PLEKHA2: variants seen among roughly 807,000 people sequenced by gnomAD.
PLEKHA2 encodes pleckstrin homology domain-containing family A member 2.
Under a neutral mutation model 53.2 loss-of-function variants are expected in PLEKHA2, and 28 were observed. That is an observed-to-expected ratio of 0.53 (90% CI 0.39 to 0.72). The LOEUF is 0.72. Among genes scored for constraint, PLEKHA2 ranks in the 30% least tolerant of loss-of-function variants. The probability of loss-of-function intolerance (pLI) is 0.00; values close to 1 mark genes in which losing one functional copy is unlikely to be tolerated. For synonymous variants in PLEKHA2, 193 were observed against 196.4 expected, an observed-to-expected ratio of 0.98 and a Z score of 0.14; for missense variants, 426 against 537.9, an observed-to-expected ratio of 0.79 and a Z score of 2.06.
chr8:38,933,838 G>A (rs1357990212), intron 2 of PLEKHA2, among the ~76,000 whole-genome samples: 1 of 141,618 alleles, frequency 7.1e-6, no homozygotes, highest in Non-Finnish European at 1.5e-5. Flanking sequence ...AAAAAAATGT[G>A]TAAATAGAAG....
At chr8:38,946,846 A>G (rs542579578) in intron 5 of PLEKHA2, among the ~76,000 whole-genome samples, 14 of 152,336 alleles carry the variant, frequency 9.2e-5, no homozygotes, top group Admixed American at 9.1e-4. Flanking sequence ...GTTTTGGAAA[A>G]AACTAGACTT....
intron 1 of PLEKHA2, among the ~76,000 whole-genome samples, chr8:38,912,908 T>G (rs974017022): frequency 7.2e-5 from 11 of 152,234 alleles, no homozygotes; most frequent in Non-Finnish European, 1.5e-4. Flanking sequence ...TCTGAGCAGC[T>G]GTTTTTTTCT....
At chr8:38,926,746 A>G (rs1324095795) in intron 2 of PLEKHA2, among the ~76,000 whole-genome samples, 2 of 152,232 alleles carry the variant, frequency 1.3e-5, no homozygotes, top group Non-Finnish European at 2.9e-5. Context: ...CCTGGCCAAC[A>G]TGGCGAAACC....
Position 38,969,635 on chromosome 8 carries a change from C to G in PLEKHA2, c.1130C>G (p.Ser377Cys), listed in dbSNP as rs767839253. The G allele has an allele frequency of 2.9e-5, 47 of 1,603,036 alleles. No homozygotes were observed. Among genetic ancestry groups the G allele is most frequent in the African/African-American group, 5.4e-5 (4 of 74,612 alleles). The change falls in exon 12 of 12, where the codon TCC becomes TGC. Residue 377 changes from serine (S) to cysteine (C), a missense_variant. Ser to Cys is a moderately radical substitution (Grantham distance 112, BLOSUM62 -1). Coordinates refer to ENST00000617275, the MANE Select transcript of PLEKHA2 (RefSeq NM_021623.2). ...CCACCTGGAGACACTTCAGAGGACT[C>G]CTTGTTCACGCCTCGTCCTGGGGAG... is the stretch of plus-strand genomic sequence containing the variant. ...LLPPGDTSED[S>C]LFTPRPGEGS...
chr8:38,917,789 G>A, intron 1 of PLEKHA2, 118 bp from the exon 2 acceptor site: 1 of 1,152,080 alleles, frequency 8.7e-7, no homozygotes, highest in Non-Finnish European at 1.2e-6. Context: ...AACATTTGGT[G>A]CCCCCACGGA....
At chr8:38,957,291 C>T (rs762603872) in intron 9 of PLEKHA2, 32 bp from the exon 10 acceptor site, 60 of 1,564,334 alleles carry the variant, frequency 3.8e-5, no homozygotes, top group African/African-American at 1.2e-4. Flanking sequence ...TATGTCAGCA[C>T]GCCATAACAT....
At chr8:38,920,960 C>G (rs774815706) in intron 2 of PLEKHA2, among the ~76,000 whole-genome samples, 1 of 152,066 alleles carries the variant, frequency 6.6e-6, no homozygotes, top group Non-Finnish European at 1.5e-5. Flanking sequence ...GCCACCACGC[C>G]CAGCTAATTT....
At chr8:38,954,340 T>C (rs1834897523) in intron 9 of PLEKHA2, among the ~76,000 whole-genome samples, 1 of 152,126 alleles carries the variant, frequency 6.6e-6, no homozygotes. Flanking sequence ...AAAGTAGCTA[T>C]AGATGGAAAT....
intron 4 of PLEKHA2, among the ~76,000 whole-genome samples, chr8:38,945,635 G>C (rs1834699696): frequency 6.6e-6 from 1 of 152,196 alleles, no homozygotes; most frequent in African/African-American, 2.4e-5. Flanking sequence ...AGAACAGGTT[G>C]AGAGTGAGGC....
chr8:38,957,265 T>C, intron 9 of PLEKHA2, 58 bp from the exon 10 acceptor site: 1 of 1,394,902 alleles, frequency 7.2e-7, no homozygotes, highest in African/African-American at 1.4e-5. Flanking sequence ...TTAGGACATA[T>C]CGAGTCCTCT....
At chr8:38,923,862 A>T (rs1834236099) in intron 2 of PLEKHA2, among the ~76,000 whole-genome samples, 1 of 151,940 alleles carries the variant, frequency 6.6e-6, no homozygotes, top group Admixed American at 6.6e-5. Context: ...GTATTTATTT[A>T]TTTTTTTAAG....
intron 9 of PLEKHA2, among the ~76,000 whole-genome samples, chr8:38,954,234 G>C (rs1045341310): frequency 3.3e-5 from 5 of 152,216 alleles, no homozygotes; most frequent in African/African-American, 1.2e-4. Context: ...TGTGACCCAA[G>C]GGGGCAGAGA....
At chr8:38,953,491 TAACACCTTG>T (rs1187291479) in intron 9 of PLEKHA2, 124 bp downstream of exon 9, 43 of 989,628 alleles carry the variant, frequency 4.3e-5, no homozygotes, top group Middle Eastern at 4.3e-4. Flanking sequence ...CACAGGAGCC[TAACACCTTG>T]TGGCTGACTC....
At chr8:38,937,938 C>G (rs1173832918) in intron 3 of PLEKHA2, among the ~76,000 whole-genome samples, 2 of 152,212 alleles carry the variant, frequency 1.3e-5, no homozygotes, top group Non-Finnish European at 2.9e-5. Context: ...TCTCTGCTGT[C>G]TGCTGAGGGC....
At chr8:38,911,534 GC>G (rs957865308) in intron 1 of PLEKHA2, among the ~76,000 whole-genome samples, 4 of 152,088 alleles carry the variant, frequency 2.6e-5, no homozygotes, top group African/African-American at 9.7e-5. Flanking sequence ...ACCGTGCCAG[GC>G]CCCAGCATGA....
At chr8:38,927,952 G>A (rs887401718) in intron 2 of PLEKHA2, among the ~76,000 whole-genome samples, 2 of 152,042 alleles carry the variant, frequency 1.3e-5, no homozygotes, top group Non-Finnish European at 2.9e-5. Context: ...TGGAGAGTGG[G>A]GGGGCAGGTT....
chr8:38,917,809 G>A, intron 1 of PLEKHA2, 98 bp from the exon 2 acceptor site: 1 of 1,379,194 alleles, frequency 7.3e-7, no homozygotes, highest in Non-Finnish European at 9.8e-7. Flanking sequence ...AAGGAAGCTG[G>A]TGAGAGTCTC....
chr8:38,957,447 G>A, intron 10 of PLEKHA2, 61 bp downstream of exon 10: 1 of 1,381,586 alleles, frequency 7.2e-7, no homozygotes, highest in Non-Finnish European at 1.0e-6. Flanking sequence ...GCCCTCACAG[G>A]CCGTGTCCTT....
At chr8:38,935,901 G>C (rs1231279485) in intron 2 of PLEKHA2, 93 bp from the exon 3 acceptor site, 2 of 1,214,778 alleles carry the variant, frequency 1.6e-6, no homozygotes, top group Non-Finnish European at 2.4e-6. Flanking sequence ...AGTGTTGCCA[G>C]GAAAGTGGCA....
Sources: gnomAD v4.1 joint callset for allele counts (sites outside exome capture counted in the v4.1 genomes callset) on GRCh38, gnomAD v4.1.1 for gene constraint, MANE v1.5 for transcripts, NCBI Gene and HGNC (gene_info 2026-07-23, HGNC 2026-07-21) for gene names.